Variants in CUBN observed in about 807,000 individuals in gnomAD.
CUBN encodes the protein cubilin.
CUBN carries 282 observed loss-of-function variants against 405.3 expected under a neutral mutation model. The observed-to-expected ratio is 0.70, with a 90% CI of 0.63 to 0.77. The LOEUF (loss-of-function observed/expected upper bound fraction) is 0.77, where lower values mean the gene tolerates loss of function less well. Among genes scored for constraint, CUBN ranks in the 30% least tolerant of loss-of-function variants. The pLI is 0.00. For synonymous variants in CUBN, 1,684 were observed against 1,617.0 expected (o/e 1.04, Z -0.99); for missense variants, 4,514 against 4,475.2 (o/e 1.01, Z -0.25).
chr10:17,111,256 C>A (rs896430852), intron 8 of CUBN, among the ~76,000 whole-genome samples: 1 of 152,140 alleles, frequency 6.6e-6, no homozygotes, highest in Non-Finnish European at 1.5e-5. Context: ...CTCTTATATG[C>A]TGATAGCTAG....
In CUBN at chr10:17,071,557, A is replaced by G. The variant is rs1287075210; in HGVS notation, c.2494T>C (p.Phe832Leu). 2 of 1,613,874 alleles carry G rather than the reference A, an allele frequency of 1.2e-6. No homozygotes were observed. The highest frequency in any genetic ancestry group is 2.7e-5 in the African/African-American group (2 of 74,908). ...TGEGVIRSPF[F>L]PNVYPGERTC... The stretch of plus-strand genomic sequence containing the variant: ...CTTTCTCCAGGATACACGTTAGGAA[A>G]AAAAGGCGAGCGAATGACCCCTTCT... Residue 832 changes from phenylalanine (F) to leucine (L), a missense_variant, in exon 19 of 67, where the codon TTT becomes CTT. This residue lies in a region of CUBN where 1,448 missense variants were observed against 1,388.0 expected (regional missense o/e 1.04). Coordinates refer to ENST00000377833, the MANE Select transcript of CUBN (RefSeq NM_001081.4).
intron 54 of CUBN, 99 bp from the exon 55 acceptor site, chr10:16,890,626 A>G (rs748225197): frequency 8.7e-7 from 1 of 1,148,702 alleles, no homozygotes; most frequent in Admixed American, 1.7e-5. Context: ...CGTATACAGA[A>G]CTAAGCATAA....
At position 17,032,928 on chromosome 10, in the gene CUBN, T is replaced by C. The variant is rs573561352; in HGVS notation, c.4017+8105A>G. 3.3e-5 allele frequency among the ~76,000 whole-genome samples: 5 copies of C among 152,252 alleles called. No homozygotes were observed. In the East Asian group the frequency reaches 9.7e-4, roughly 29 times the overall value. On this transcript the variant is annotated intron_variant, in intron 27 of 66. Coordinates refer to ENST00000377833, the MANE Select transcript of CUBN (RefSeq NM_001081.4). The stretch of plus-strand genomic sequence containing the variant: ...CCTGTTGTTATCCATCTCTGTCAAT[T>C]GTACCTCCTAAGTGCTCTGAAATCA...
chr10:16,914,458 C>T (rs1472747141), intron 47 of CUBN, among the ~76,000 whole-genome samples: 2 of 152,018 alleles, frequency 1.3e-5, no homozygotes, highest in Admixed American at 6.5e-5. Flanking sequence ...ACTCAGGAGC[C>T]TGAGGCAGAA....
chr10:16,838,985 C>T (rs1371026472), intron 62 of CUBN, among the ~76,000 whole-genome samples: 3 of 152,150 alleles, frequency 2.0e-5, no homozygotes, highest in African/African-American at 7.2e-5. Flanking sequence ...TGAATATAAA[C>T]CTATCAGACT....
intron 26 of CUBN, among the ~76,000 whole-genome samples, chr10:17,041,869 T>C (rs894241343): frequency 3.3e-5 from 5 of 152,174 alleles, no homozygotes; most frequent in African/African-American, 1.2e-4. Context: ...AAAAAAGTCT[T>C]CAATCCAATG....
chr10:17,071,549 G>T lies in CUBN; in HGVS notation c.2502C>A (p.Asn834Lys). The change falls in exon 19 of 67, where the codon AAC becomes AAA. Residue 834 changes from asparagine to lysine, a missense_variant. By Grantham distance (94) the Asn-to-Lys change is moderately conservative. This residue lies in a region of CUBN where 1,448 missense variants were observed against 1,388.0 expected (regional missense o/e 1.04). Transcript: ENST00000377833. The stretch of plus-strand genomic sequence containing the variant: ...TACAGGTTCTTTCTCCAGGATACAC[G>T]TTAGGAAAAAAAGGCGAGCGAATGA... ...EGVIRSPFFP[N>K]VYPGERTCRW... 6.2e-7 allele frequency: 1 copy of T among 1,613,854 alleles called. No homozygotes were observed. The highest frequency in any genetic ancestry group is 2.2e-5 in the East Asian group (1 of 44,850).
Position 17,038,967 on chromosome 10 carries a change from T to C in CUBN, c.4017+2066A>G, listed in dbSNP as rs1441600758. 2.0e-5 allele frequency among the ~76,000 whole-genome samples: 3 copies of C among 152,236 alleles called. No homozygotes were observed. The East Asian group carries it at 5.8e-4, about 29-fold the overall frequency. On this transcript the variant is annotated intron_variant, in intron 27 of 66. Transcript: ENST00000377833. Reference sequence around the variant, plus strand: ...CTCTAATGAGCTACTCTGCAGTTGCTGGAACAAGCATTTTTTAATTTGAGT... The same window carrying C: ...CTCTAATGAGCTACTCTGCAGTTGCCGGAACAAGCATTTTTTAATTTGAGT...
chr10:16,934,098 A>G (rs938249354), intron 39 of CUBN, among the ~76,000 whole-genome samples: 1 of 152,112 alleles, frequency 6.6e-6, no homozygotes, highest in African/African-American at 2.4e-5. Flanking sequence ...AAAGCTGCTC[A>G]TTTTCACAGC....
intron 33 of CUBN, among the ~76,000 whole-genome samples, chr10:16,951,738 C>T (rs1013956013): frequency 1.3e-5 from 2 of 152,150 alleles, no homozygotes; most frequent in African/African-American, 4.8e-5. Flanking sequence ...TTCTTCTAGG[C>T]CTGTGCTGGA....
chr10:16,876,864 A>T, intron 57 of CUBN, 33 bp downstream of exon 57: 2 of 1,589,816 alleles, frequency 1.3e-6, no homozygotes, highest in South Asian at 1.1e-5. Flanking sequence ...AGAAAAGAAG[A>T]AAATTCCAAA....
chr10:17,086,293 C>T (rs1836108437), intron 15 of CUBN, among the ~76,000 whole-genome samples: 1 of 152,078 alleles, frequency 6.6e-6, no homozygotes, highest in African/African-American at 2.4e-5. Context: ...CAAGGCTGGA[C>T]ATATAGTTAG....
intron 43 of CUBN, among the ~76,000 whole-genome samples, chr10:16,924,952 G>A (rs1243864988): frequency 2.6e-5 from 4 of 152,120 alleles, no homozygotes; most frequent in Non-Finnish European, 5.9e-5. Context: ...CAGGGATCAA[G>A]AAGAATAGTT....
At chr10:16,893,925 C>T (rs900148255) in intron 54 of CUBN, among the ~76,000 whole-genome samples, 8 of 152,020 alleles carry the variant, frequency 5.3e-5, no homozygotes, top group Admixed American at 1.3e-4. Flanking sequence ...TATTTGTCTT[C>T]GAATAGGTGT....
chr10:16,885,762 C>G (rs528438581), intron 56 of CUBN, among the ~76,000 whole-genome samples: 31 of 152,220 alleles, frequency 2.0e-4, no homozygotes, highest in Non-Finnish European at 4.0e-4. Flanking sequence ...ACTAGAGTCT[C>G]CTTTCTTAGT....
chr10:16,848,587 C>G (rs703070), intron 60 of CUBN, among the ~76,000 whole-genome samples: 150,773 of 152,142 alleles, frequency 0.99, 74,717 homozygotes, highest in East Asian at 1. Flanking sequence ...TCCCCATACT[C>G]TCCGTCTCTA....
intron 17 of CUBN, among the ~76,000 whole-genome samples, chr10:17,078,954 T>G (rs1026042026): frequency 6.6e-6 from 1 of 152,214 alleles, no homozygotes; most frequent in Non-Finnish European, 1.5e-5. Context: ...TACATGAGCA[T>G]GCAACTCCTT....
chr10:17,094,349 C>A (rs755292300), intron 14 of CUBN, among the ~76,000 whole-genome samples: 2 of 151,970 alleles, frequency 1.3e-5, no homozygotes, highest in Admixed American at 6.6e-5. Context: ...GTAAAAAATG[C>A]ATTCTTAAAC....
chr10:17,064,457 A>T (rs1251891237), intron 22 of CUBN, among the ~76,000 whole-genome samples: 3 of 152,198 alleles, frequency 2.0e-5, no homozygotes, highest in Non-Finnish European at 4.4e-5. Flanking sequence ...GCATGTCCCA[A>T]CATAGGAAAA....
Sources: gnomAD v4.1 joint callset for allele counts (sites outside exome capture counted in the v4.1 genomes callset) on GRCh38, gnomAD v4.1.1 for gene constraint, gnomAD v4.1.1 regional missense constraint, MANE v1.5 for transcripts, NCBI Gene and HGNC (gene_info 2026-07-23, HGNC 2026-07-21) for gene names.